Variants in SOX6 observed in about 807,000 individuals in gnomAD.
The protein encoded by SOX6 is SRY-box transcription factor 6.
In SOX6, 11 loss-of-function variants were observed where a neutral mutation model predicts 97.8. The ratio of observed to expected loss-of-function variants is 0.11; its 90% CI spans 0.07 to 0.19. The LOEUF (loss-of-function observed/expected upper bound fraction) is 0.19. Ranked by LOEUF, SOX6 falls within the 10% of genes least tolerant of loss-of-function variation. The probability of loss-of-function intolerance (pLI) is 1.00; values close to 1 mark genes in which losing one functional copy is unlikely to be tolerated. For missense variants in SOX6, 810 were observed against 1,039.5 expected (o/e 0.78, Z 3.04); for synonymous variants, 360 against 371.4 (o/e 0.97, Z 0.35).
intron 3 of SOX6, among the ~76,000 whole-genome samples, chr11:16,245,669 C>G (rs1017332882): frequency 6.6e-6 from 1 of 151,512 alleles, no homozygotes; most frequent in African/African-American, 2.4e-5. Context: ...GTTAATTGAA[C>G]CTTTAATCAT....
chr11:16,516,160 T>C (rs551621290), intron 4 of SOX6, among the ~76,000 whole-genome samples: 1 of 150,494 alleles, frequency 6.6e-6, no homozygotes, highest in South Asian at 2.2e-4. Context: ...TTTCATGATA[T>C]TGATTCTTCC....
intron 3 of SOX6, among the ~76,000 whole-genome samples, chr11:16,666,880 G>T (rs934032564): frequency 1.1e-4 from 16 of 151,958 alleles, no homozygotes; most frequent in Admixed American, 3.3e-4. Context: ...AGTCTTAAAA[G>T]GGCAAATCTA....
intron 12 of SOX6, among the ~76,000 whole-genome samples, chr11:16,032,301 T>C (rs1855399090): frequency 6.6e-6 from 1 of 152,170 alleles, no homozygotes; most frequent in Non-Finnish European, 1.5e-5. Flanking sequence ...CAGGGTTTTG[T>C]TCGATTTGTT....
chr11:16,550,790 G>A (rs1220025388), intron 4 of SOX6, among the ~76,000 whole-genome samples: 2 of 152,068 alleles, frequency 1.3e-5, no homozygotes, highest in Non-Finnish European at 1.5e-5. Flanking sequence ...GGTAGACTGT[G>A]ATGTTAAAGA....
chr11:16,093,507 C>G (rs1005686097), intron 9 of SOX6, among the ~76,000 whole-genome samples: 1 of 151,590 alleles, frequency 6.6e-6, no homozygotes, highest in Non-Finnish European at 1.5e-5. Context: ...TAAGATTTAC[C>G]CAGGCTCATT....
chr11:16,643,010 T>C (rs190582091), intron 3 of SOX6, among the ~76,000 whole-genome samples: 1 of 152,286 alleles, frequency 6.6e-6, no homozygotes, highest in African/African-American at 2.4e-5. Flanking sequence ...GAAGTTTCAG[T>C]TTTTCTGCTC....
intron 4 of SOX6, among the ~76,000 whole-genome samples, chr11:16,504,859 T>C (rs1312327956): frequency 1.3e-5 from 2 of 152,148 alleles, no homozygotes; most frequent in African/African-American, 2.4e-5. Context: ...GGGAAGATGT[T>C]CCTGCTTCCC....
intron 6 of SOX6, among the ~76,000 whole-genome samples, chr11:16,123,361 G>A (rs1849538562): frequency 6.6e-6 from 1 of 151,992 alleles, no homozygotes; most frequent in Non-Finnish European, 1.5e-5. Context: ...ACTCTAACCA[G>A]GACGTAAATA....
upstream of SOX6, among the ~76,000 whole-genome samples, chr11:16,358,859 G>T (rs1181457181): frequency 6.6e-6 from 1 of 152,040 alleles, no homozygotes; most frequent in African/African-American, 2.4e-5. Flanking sequence ...TACTAAAATT[G>T]GCTTGTGAAC....
chr11:15,972,011 C>G lies in SOX6; in HGVS notation c.*798G>C, dbSNP rs1853328810. The G allele has an allele frequency of 6.6e-6, 1 of 152,512 alleles. No individual in the cohort carries two copies. Among genetic ancestry groups the G allele is most frequent in the South Asian group, 2.1e-4 (1 of 4,824 alleles). 9.4% of individuals were successfully genotyped at this position (152,512 alleles called of 1,614,324 possible). Reference sequence around the variant, plus strand: ...TTGCTCTGGTGTGTGTATGTCATACCACATCACGCACTGATGGCACGTCAA... The same window carrying G: ...TTGCTCTGGTGTGTGTATGTCATACGACATCACGCACTGATGGCACGTCAA... On this transcript the variant is annotated 3_prime_UTR_variant, in exon 16 of 16. Coordinates refer to ENST00000683767, the MANE Select transcript of SOX6 (RefSeq NM_001367873.1).
chr11:16,683,906 C>T (rs1718098653), intron 3 of SOX6, among the ~76,000 whole-genome samples: 1 of 152,130 alleles, frequency 6.6e-6, no homozygotes, highest in Non-Finnish European at 1.5e-5. Context: ...ACAAACAACT[C>T]CATCAAAAAG....
intron 4 of SOX6, among the ~76,000 whole-genome samples, chr11:16,570,789 T>C (rs894789078): frequency 1.3e-5 from 2 of 152,228 alleles, no homozygotes; most frequent in Admixed American, 1.3e-4. Flanking sequence ...TATACCTGTG[T>C]TGCTTTTAGC....
At chr11:16,459,821 G>T (rs1024195997) in intron 1 of SOX6, among the ~76,000 whole-genome samples, 2 of 151,876 alleles carry the variant, frequency 1.3e-5, no homozygotes, top group African/African-American at 4.8e-5. Context: ...CTGAAAATCA[G>T]GGAGTTGCAG....
intron 13 of SOX6, among the ~76,000 whole-genome samples, chr11:16,000,887 C>T (rs997207697): frequency 3.3e-5 from 5 of 152,010 alleles, no homozygotes; most frequent in Non-Finnish European, 5.9e-5. Context: ...GACAGAGTCT[C>T]ACTCTGTCAC....
chr11:16,295,511 A>G (rs2134264872), intron 3 of SOX6, among the ~76,000 whole-genome samples: 1 of 152,188 alleles, frequency 6.6e-6, no homozygotes, highest in African/African-American at 2.4e-5. Context: ...TCCTGTAGAT[A>G]TAGTAATGGA....
intron 4 of SOX6, among the ~76,000 whole-genome samples, chr11:16,580,082 G>T (rs529798194): frequency 6.6e-5 from 10 of 152,172 alleles, no homozygotes; most frequent in African/African-American, 2.4e-4. Flanking sequence ...TTAAGGTGTG[G>T]TTACAGCCAG....
intron 6 of SOX6, among the ~76,000 whole-genome samples, chr11:16,177,839 C>T (rs926631048): frequency 3.9e-5 from 6 of 152,056 alleles, no homozygotes; most frequent in African/African-American, 1.4e-4. Context: ...TGCTGCACCT[C>T]ACTCTGCCTC....
chr11:16,595,307 C>A (rs2133974712), intron 4 of SOX6, among the ~76,000 whole-genome samples: 1 of 152,124 alleles, frequency 6.6e-6, no homozygotes, highest in South Asian at 2.1e-4. Context: ...ATGTGACCAC[C>A]AATCTCTTTT....
At chr11:16,231,565 C>T (rs773798450) in intron 4 of SOX6, among the ~76,000 whole-genome samples, 1 of 151,788 alleles carries the variant, frequency 6.6e-6, no homozygotes, top group Non-Finnish European at 1.5e-5. Flanking sequence ...TGAAGGGTAA[C>T]TGGCAATATG....
Sources: gnomAD v4.1 joint callset for allele counts (sites outside exome capture counted in the v4.1 genomes callset) on GRCh38, gnomAD v4.1.1 for gene constraint, MANE v1.5 for transcripts, NCBI Gene and HGNC (gene_info 2026-07-23, HGNC 2026-07-21) for gene names.